Variants in CTNND2 observed in about 807,000 individuals in gnomAD.
CTNND2 encodes catenin delta 2, also known as catenin delta-2.
In CTNND2, 22 loss-of-function variants were observed where a neutral mutation model predicts 144.4. The observed-to-expected ratio is 0.15, with a 90% CI of 0.11 to 0.22. CTNND2 has a LOEUF of 0.22. Among genes scored for constraint, CTNND2 ranks in the 10% least tolerant of loss-of-function variants. The probability of loss-of-function intolerance (pLI) is 1.00; values close to 1 mark genes in which losing one functional copy is unlikely to be tolerated. For synonymous variants in CTNND2, 751 were observed against 695.6 expected, an observed-to-expected ratio of 1.08 and a Z score of -1.25; for missense variants, 1,353 against 1,618.8, an observed-to-expected ratio of 0.84 and a Z score of 2.82.
At chr5:11,791,235 T>C (rs111652048) in intron 1 of CTNND2, among the ~76,000 whole-genome samples, 1,684 of 152,316 alleles carry the variant, frequency 0.011, 22 homozygotes, top group South Asian at 0.065. Context: ...ATTTCAGTTA[T>C]TTTAAACCAC....
At chr5:11,367,709 C>A (rs1757110034) in intron 7 of CTNND2, among the ~76,000 whole-genome samples, 1 of 152,128 alleles carries the variant, frequency 6.6e-6, no homozygotes, top group South Asian at 2.1e-4. Flanking sequence ...AATGTTCTTG[C>A]CAATTATGCT....
At chr5:11,186,300 T>C (rs1466805952) in intron 11 of CTNND2, among the ~76,000 whole-genome samples, 1 of 152,152 alleles carries the variant, frequency 6.6e-6, no homozygotes, top group Non-Finnish European at 1.5e-5. Flanking sequence ...CAAGGTTTCA[T>C]AGGGAAGTAA....
Position 11,377,055 on chromosome 5 carries a change from C to CTT in CTNND2, c.1177+7608_1177+7609dup, listed in dbSNP as rs35811459. On this transcript the variant is annotated intron_variant, in intron 7 of 21. Coordinates refer to ENST00000304623, the MANE Select transcript of CTNND2 (RefSeq NM_001332.4). ...ACCCTGGTCTCTGTGTTTTTGTCTC[C>CTT]TTTTTTTTTTTTTGAGAAGGAGGCT... Among the ~76,000 whole-genome samples the CTT allele has an allele frequency of 7.6e-4, 111 of 146,470 alleles. 1 individual carries two copies. The highest frequency in any genetic ancestry group is 2.2e-3 in the South Asian group (10 of 4,564).
chr5:11,116,029 C>T (rs1193285845), intron 13 of CTNND2, among the ~76,000 whole-genome samples: 2 of 152,214 alleles, frequency 1.3e-5, no homozygotes, highest in East Asian at 3.8e-4. Context: ...AAAGCTCTAT[C>T]TACTATGGCA....
At chr5:11,201,860 C>T (rs1040870523) in intron 10 of CTNND2, among the ~76,000 whole-genome samples, 3 of 152,214 alleles carry the variant, frequency 2.0e-5, no homozygotes, top group Non-Finnish European at 4.4e-5. Flanking sequence ...GCTTGCTTGG[C>T]ACCCACCCAA....
At chr5:11,036,644 C>T (rs1744104297) in intron 16 of CTNND2, among the ~76,000 whole-genome samples, 1 of 152,118 alleles carries the variant, frequency 6.6e-6, no homozygotes, top group Non-Finnish European at 1.5e-5. Context: ...ACACCTCGGC[C>T]TCCCAAAGTG....
rs544361320 is a variant in CTNND2 at position 11,576,637 on chromosome 5, T to TA, written c.175-11582dup. Among the ~76,000 whole-genome samples, 19 of 151,858 alleles carry TA rather than the reference T, an allele frequency of 1.3e-4. No homozygotes were observed. The South Asian group carries it at 1.9e-3, about 15-fold the overall frequency. On this transcript the variant is annotated intron_variant, in intron 2 of 21. Coordinates refer to ENST00000304623, the MANE Select transcript of CTNND2 (RefSeq NM_001332.4). ...TCTGTCCAAATTGTGAAATCTACAT[T>TA]AAAAAAAATAAACTCAGTCATAAAA...
intron 12 of CTNND2, among the ~76,000 whole-genome samples, chr5:11,154,764 G>A (rs1318041571): frequency 2.0e-5 from 3 of 152,146 alleles, no homozygotes; most frequent in Non-Finnish European, 4.4e-5. Context: ...CAGCAGGGCC[G>A]TGCTCTCTCT....
intron 9 of CTNND2, among the ~76,000 whole-genome samples, chr5:11,324,208 G>T (rs1752315088): frequency 6.6e-6 from 1 of 152,086 alleles, no homozygotes; most frequent in African/African-American, 2.4e-5. Context: ...CCCAGAGTAG[G>T]CCCTGGTTAC....
intron 10 of CTNND2, among the ~76,000 whole-genome samples, chr5:11,214,640 C>A (rs928461255): frequency 7.2e-5 from 11 of 152,190 alleles, no homozygotes; most frequent in African/African-American, 2.7e-4. Flanking sequence ...ATGATTCCTG[C>A]CACATTTAGA....
At chr5:11,598,798 G>A (rs756667418) in intron 2 of CTNND2, among the ~76,000 whole-genome samples, 1 of 151,940 alleles carries the variant, frequency 6.6e-6, no homozygotes, top group African/African-American at 2.4e-5. Flanking sequence ...TTAACAGCTG[G>A]GTCAGAAAAC....
chr5:11,068,847 G>A (rs965982922), intron 16 of CTNND2, among the ~76,000 whole-genome samples: 10 of 152,190 alleles, frequency 6.6e-5, no homozygotes, highest in Non-Finnish European at 1.5e-4. Flanking sequence ...AACCTGGGAG[G>A]CGAAGCTTGC....
intron 1 of CTNND2, among the ~76,000 whole-genome samples, chr5:11,797,539 G>A (rs1264408743): frequency 6.6e-6 from 1 of 152,054 alleles, no homozygotes; most frequent in Non-Finnish European, 1.5e-5. Context: ...AAAATGTTTA[G>A]TATTAAATGC....
intron 2 of CTNND2, among the ~76,000 whole-genome samples, chr5:11,637,379 T>C (rs1349446594): frequency 2.0e-5 from 3 of 152,220 alleles, no homozygotes; most frequent in Non-Finnish European, 4.4e-5. Context: ...GTTGAGAAGT[T>C]GGCATCTACA....
intron 2 of CTNND2, among the ~76,000 whole-genome samples, chr5:11,585,876 C>T (rs1412245499): frequency 6.6e-6 from 1 of 152,034 alleles, no homozygotes; most frequent in East Asian, 1.9e-4. Flanking sequence ...GACGGTGCTT[C>T]ATGCAAAGTC....
At chr5:11,429,272 T>A (rs1173760762) in intron 3 of CTNND2, among the ~76,000 whole-genome samples, 2 of 152,238 alleles carry the variant, frequency 1.3e-5, no homozygotes, top group Non-Finnish European at 2.9e-5. Flanking sequence ...CCATATTTCA[T>A]TCACTCAAGC....
At chr5:11,140,546 TAA>T (rs1756622560) in intron 12 of CTNND2, among the ~76,000 whole-genome samples, 1 of 152,220 alleles carries the variant, frequency 6.6e-6, no homozygotes, top group Non-Finnish European at 1.5e-5. Context: ...TGATTCTCTA[TAA>T]CTACCTATTG....
intron 1 of CTNND2, among the ~76,000 whole-genome samples, chr5:11,889,905 T>A (rs1373860696): frequency 6.6e-6 from 1 of 152,204 alleles, no homozygotes; most frequent in Admixed American, 6.5e-5. Flanking sequence ...AGCATCTGAA[T>A]ATTTTATAGT....
intron 9 of CTNND2, among the ~76,000 whole-genome samples, chr5:11,248,392 T>A (rs1382952446): frequency 1.3e-5 from 2 of 151,966 alleles, no homozygotes; most frequent in Non-Finnish European, 2.9e-5. Flanking sequence ...TATGTGCAGA[T>A]CTGTGTGTAT....
Sources: allele counts gnomAD v4.1 joint callset (sites outside exome capture counted in the v4.1 genomes callset), GRCh38; gene constraint gnomAD v4.1.1; transcripts MANE v1.5; gene names NCBI Gene and HGNC (gene_info 2026-07-23, HGNC 2026-07-21).